The following PTPRT variants were observed in gnomAD, a reference collection of about 807,000 sequenced individuals.
PTPRT encodes receptor-type tyrosine-protein phosphatase T.
In PTPRT, 56 loss-of-function variants were observed where a neutral mutation model predicts 176.8. The observed-to-expected ratio is 0.32, with a 90% CI of 0.26 to 0.40. PTPRT has a LOEUF of 0.40. Among genes scored for constraint, PTPRT ranks in the 10% least tolerant of loss-of-function variants. PTPRT has a pLI of 1.00. For missense variants in PTPRT, 1,540 were observed against 1,908.2 expected (o/e 0.81, Z 3.60); for synonymous variants, 783 against 739.0 (o/e 1.06, Z -0.96).
intron 27 of PTPRT, among the ~76,000 whole-genome samples, chr20:42,086,525 A>C (rs1188751468): frequency 6.6e-6 from 1 of 151,736 alleles, no homozygotes; most frequent in Non-Finnish European, 1.5e-5. Context: ...TGCTAAAGAA[A>C]GGGCAAGTAC....
At chr20:42,217,432 T>TA (rs67625081) in intron 15 of PTPRT, among the ~76,000 whole-genome samples, 39,714 of 139,884 alleles carry the variant, frequency 0.28, 7,140 homozygotes, top group African/African-American at 0.51. Context: ...CACAGAACAT[T>TA]ACGTCCATCC....
intron 6 of PTPRT, among the ~76,000 whole-genome samples, chr20:42,690,290 ACTC>A (rs2075771338): frequency 6.6e-6 from 1 of 151,984 alleles, no homozygotes; most frequent in Admixed American, 6.6e-5. Context: ...TTTAGGGACA[ACTC>A]CTCTGAGTGC....
chr20:42,802,059 G>A (rs566911962), intron 2 of PTPRT, among the ~76,000 whole-genome samples: 4 of 152,168 alleles, frequency 2.6e-5, no homozygotes, highest in Non-Finnish European at 4.4e-5. Flanking sequence ...CTGAAACAGC[G>A]GTTCCCAAAT....
At chr20:42,273,340 T>A (rs1193557002) in intron 13 of PTPRT, among the ~76,000 whole-genome samples, 2 of 152,150 alleles carry the variant, frequency 1.3e-5, no homozygotes, top group Non-Finnish European at 2.9e-5. Context: ...CTCAACCTCC[T>A]GAGTAACTGG....
intron 15 of PTPRT, among the ~76,000 whole-genome samples, chr20:42,233,438 C>A (rs1378717499): frequency 2.0e-5 from 3 of 152,196 alleles, no homozygotes; most frequent in Admixed American, 2.0e-4. Context: ...AGAGCAATTT[C>A]TTTCCCATTA....
chr20:42,194,145 T>TTACCTTTCATAA (rs1407915955), intron 16 of PTPRT, among the ~76,000 whole-genome samples: 1 of 152,210 alleles, frequency 6.6e-6, no homozygotes, highest in Non-Finnish European at 1.5e-5. Flanking sequence ...TATGAAAGGC[T>TTACCTTTCATAA]TACAAGTAGA....
intron 1 of PTPRT, among the ~76,000 whole-genome samples, chr20:42,959,834 G>A (rs990013164): frequency 3.9e-5 from 6 of 152,154 alleles, no homozygotes; most frequent in African/African-American, 1.4e-4. Flanking sequence ...GTCCTTAGGG[G>A]GGAGTCCAAG....
chr20:42,910,603 A>G (rs2079532027), intron 1 of PTPRT, among the ~76,000 whole-genome samples: 1 of 152,110 alleles, frequency 6.6e-6, no homozygotes, highest in African/African-American at 2.4e-5. Context: ...AGAGTCACAT[A>G]CTTGATCTCA....
At chr20:43,158,201 G>A (rs938877877) in intron 1 of PTPRT, among the ~76,000 whole-genome samples, 6 of 152,152 alleles carry the variant, frequency 3.9e-5, no homozygotes, top group Admixed American at 3.3e-4. Context: ...TTCGATGTTG[G>A]TATGGGACAT....
At chr20:42,382,219 T>C (rs1253519849) in intron 9 of PTPRT, among the ~76,000 whole-genome samples, 2 of 152,194 alleles carry the variant, frequency 1.3e-5, no homozygotes, top group African/African-American at 4.8e-5. Context: ...TAATAGCACA[T>C]ACAATGGCAT....
chr20:42,182,906 G>C (rs1338516826), intron 16 of PTPRT, among the ~76,000 whole-genome samples: 1 of 107,330 alleles, frequency 9.3e-6, no homozygotes, highest in Non-Finnish European at 1.8e-5. Context: ...CTACAAGCAG[G>C]GGTGTGTGTG....
At chr20:42,795,981 T>C (rs908611488) in intron 2 of PTPRT, among the ~76,000 whole-genome samples, 2 of 152,234 alleles carry the variant, frequency 1.3e-5, no homozygotes, top group African/African-American at 4.8e-5. Context: ...TGAGAACTTA[T>C]TATGTGCCAG....
chr20:42,959,237 T>C (rs990405012), intron 1 of PTPRT, among the ~76,000 whole-genome samples: 2 of 152,134 alleles, frequency 1.3e-5, no homozygotes, highest in African/African-American at 4.8e-5. Context: ...TTACATGAGC[T>C]CATGTACGTC....
chr20:42,049,750 G>T, the PTPRT span, among the ~76,000 whole-genome samples: 2 of 152,140 alleles, frequency 1.3e-5, no homozygotes, highest in Admixed American at 6.5e-5. Flanking sequence ...ATTGAGTTCT[G>T]AGACTCTCCA....
At chr20:42,287,513 C>T (rs1032352049) in intron 12 of PTPRT, among the ~76,000 whole-genome samples, 6 of 151,348 alleles carry the variant, frequency 4.0e-5, no homozygotes, top group African/African-American at 1.5e-4. Flanking sequence ...CACTCATATG[C>T]AGAAACTAAA....
At chr20:42,249,244 G>C (rs1042588705) in intron 13 of PTPRT, among the ~76,000 whole-genome samples, 1 of 151,876 alleles carries the variant, frequency 6.6e-6, no homozygotes, top group Non-Finnish European at 1.5e-5. Flanking sequence ...CTTTATTTTG[G>C]GGCAACACAA....
At chr20:42,671,682 T>C (rs1284950527) in intron 7 of PTPRT, among the ~76,000 whole-genome samples, 1 of 152,194 alleles carries the variant, frequency 6.6e-6, no homozygotes, top group Non-Finnish European at 1.5e-5. Context: ...AACACTTTGG[T>C]TCACTATAGG....
Position 42,383,430 on chromosome 20 carries a change from A to C in PTPRT, c.1561-31145T>G, listed in dbSNP as rs974038279. 5.9e-5 allele frequency among the ~76,000 whole-genome samples: 9 copies of C among 152,200 alleles called. No homozygotes were observed. The South Asian group carries it at 6.2e-4, about 11-fold the overall frequency. ...TAAGCAGGGATAGACAAAAAAAAAAAACAACTATTTGAATGGACCAACCTG... is the reference window on the plus strand; with the variant it reads ...TAAGCAGGGATAGACAAAAAAAAAACACAACTATTTGAATGGACCAACCTG... On this transcript the variant is annotated intron_variant, in intron 9 of 30. Coordinates refer to ENST00000373187, the MANE Select transcript of PTPRT (RefSeq NM_007050.6).
chr20:42,428,695 A>T (rs1317036683), intron 9 of PTPRT, among the ~76,000 whole-genome samples: 1 of 152,180 alleles, frequency 6.6e-6, no homozygotes, highest in East Asian at 1.9e-4. Flanking sequence ...TTGCAAATAC[A>T]ATCATGACGA....
Sources: allele counts gnomAD v4.1 joint callset (sites outside exome capture counted in the v4.1 genomes callset), GRCh38; gene constraint gnomAD v4.1.1; transcripts MANE v1.5; gene names NCBI Gene and HGNC (gene_info 2026-07-23, HGNC 2026-07-21).